PES1: variants seen among roughly 807,000 people sequenced by gnomAD.
PES1 encodes the protein pescadillo ribosomal biogenesis factor 1.
In PES1, 31 loss-of-function variants were observed where a neutral mutation model predicts 77.1. The observed-to-expected ratio is 0.40, with a 90% CI of 0.30 to 0.54. The LOEUF (loss-of-function observed/expected upper bound fraction) is 0.54, where lower values mean the gene tolerates loss of function less well. Among genes scored for constraint, PES1 ranks in the 20% least tolerant of loss-of-function variants. PES1 has a pLI of 0.45. For missense variants in PES1, 658 were observed against 771.7 expected (o/e 0.85, Z 1.75); for synonymous variants, 282 against 303.0 (o/e 0.93, Z 0.72).
upstream of PES1, among the ~76,000 whole-genome samples, chr22:30,596,564 C>T (rs956770373): frequency 1.3e-5 from 2 of 151,560 alleles, no homozygotes; most frequent in African/African-American, 2.4e-5. Context: ...TGGTTCACAG[C>T]CTCCATTAGA....
At position 30,606,753 on chromosome 22, in the gene PES1, G is replaced by A. The variant is rs764616797; in HGVS notation, c.-718+56C>T. ...TCCCCCACCCCCACAATCCCCTCCCGCCACAACTGAGGGAGGCGGTGCTGA... is the reference window on the plus strand; with the variant it reads ...TCCCCCACCCCCACAATCCCCTCCCACCACAACTGAGGGAGGCGGTGCTGA... On this transcript the variant is annotated intron_variant, in intron 1 of 16. Transcript: ENST00000402281. The A allele has an allele frequency of 7.3e-5, 18 of 248,132 alleles. No individual in the cohort carries two copies. In the Admixed American group the frequency reaches 8.7e-4, roughly 12 times the overall value. 15.4% of individuals were successfully genotyped at this position (248,132 alleles called of 1,614,324 possible).
chr22:30,603,434 T>G (rs896561672), intron 2 of PES1, among the ~76,000 whole-genome samples: 6 of 152,150 alleles, frequency 3.9e-5, no homozygotes, highest in Admixed American at 3.9e-4. Context: ...CAGGCTGGAG[T>G]GCAGTGGCAT....
intron 2 of PES1, among the ~76,000 whole-genome samples, chr22:30,588,852 A>C (rs2087133751): frequency 6.6e-6 from 1 of 151,876 alleles, no homozygotes; most frequent in Admixed American, 6.6e-5. Flanking sequence ...GGCAGGGCCC[A>C]CAGGCCACAG....
intron 2 of PES1, among the ~76,000 whole-genome samples, chr22:30,605,122 T>A (rs5753229): frequency 0.028 from 4,212 of 151,572 alleles, 69 homozygotes; most frequent in African/African-American, 0.052. Flanking sequence ...AGCCTCTAGA[T>A]TAGCTGAGAC....
intron 3 of PES1, 46 bp from the exon 4 acceptor site, chr22:30,587,441 C>CTCTTCCA (rs755145080): frequency 7.0e-7 from 1 of 1,424,360 alleles, no homozygotes; most frequent in South Asian, 1.2e-5. Flanking sequence ...CTCAGGTCTC[C>CTCTTCCA]TGGACAACTT....
rs185659178 is a variant in PES1 at position 30,580,726 on chromosome 22, G to A, written c.913-25C>T. 15,832 of 1,611,708 alleles carry A rather than the reference G, an allele frequency of 9.8e-3. 112 individuals are homozygous for A. The highest frequency in any genetic ancestry group is 0.012 in the Non-Finnish European group (14,014 of 1,179,880). On this transcript the variant is annotated intron_variant, in intron 9 of 14. Coordinates refer to ENST00000354694, the MANE Select transcript of PES1 (RefSeq NM_014303.4). ...CCTGTTGAGAAAGGGGCCAGGCCTCGCACCACCAGGGCTGCCCACCCCCAC... is the reference window on the plus strand; with the variant it reads ...CCTGTTGAGAAAGGGGCCAGGCCTCACACCACCAGGGCTGCCCACCCCCAC...
chr22:30,593,260 G>A (rs1408967056), upstream of PES1, among the ~76,000 whole-genome samples: 1 of 152,160 alleles, frequency 6.6e-6, no homozygotes, highest in Non-Finnish European at 1.5e-5. Flanking sequence ...GCTGAGGCAG[G>A]CGGATCACCT....
At chr22:30,592,489 G>C, upstream of PES1, 1 of 828,558 alleles carries the variant, frequency 1.2e-6, no homozygotes, top group Non-Finnish European at 1.5e-6. Flanking sequence ...TGGTGGACTC[G>C]TGGTATATTT....
chr22:30,578,708 C>T, intron 14 of PES1, 129 bp downstream of exon 14: 1 of 1,099,624 alleles, frequency 9.1e-7, no homozygotes. Flanking sequence ...CTGGGCCAGG[C>T]AGGCAACCTC....
intron 2 of PES1, among the ~76,000 whole-genome samples, chr22:30,597,888 T>A (rs1233406159): frequency 7.0e-6 from 1 of 143,128 alleles, no homozygotes; most frequent in Non-Finnish European, 1.5e-5. Flanking sequence ...TTTTGTTTTT[T>A]TTTTTTTTGT....
intron 4 of PES1, chr22:30,585,362 G>A (rs754851926): frequency 2.1e-6 from 1 of 471,310 alleles, no homozygotes; most frequent in Non-Finnish European, 4.4e-6. Context: ...TGGGCACTGT[G>A]TGGCTGCCCT....
intron 2 of PES1, among the ~76,000 whole-genome samples, chr22:30,600,504 G>T (rs529050387): frequency 6.6e-6 from 1 of 151,836 alleles, no homozygotes; most frequent in Non-Finnish European, 1.5e-5. Flanking sequence ...GCAAAAAAGC[G>T]AGGTCCTGTC....
intron 2 of PES1, among the ~76,000 whole-genome samples, chr22:30,597,925 C>G (rs987142106): frequency 7.1e-6 from 1 of 140,376 alleles, no homozygotes; most frequent in African/African-American, 2.8e-5. Context: ...ACTCTGTCGC[C>G]CAGGCTGGAG....
intron 2 of PES1, among the ~76,000 whole-genome samples, chr22:30,604,645 TAAG>T (rs2087409678): frequency 3.3e-5 from 5 of 151,170 alleles, no homozygotes; most frequent in Non-Finnish European, 5.9e-5. Flanking sequence ...AATAAATAAA[TAAG>T]AAAAAATAAG....
intron 13 of PES1, 42 bp downstream of exon 13, chr22:30,579,095 G>A: frequency 1.2e-6 from 2 of 1,605,446 alleles, no homozygotes; most frequent in Non-Finnish European, 1.7e-6. Flanking sequence ...CACCAAGCAG[G>A]GCTGCTTCCC....
In PES1 at chr22:30,576,822, T is replaced by A; in HGVS notation, c.*224A>T. ...GGCTCCTGGGAGCAGAGAATCAGGC[T>A]GGGCACAGAGGCCTCTTCTCTGACC... On this transcript the variant is annotated 3_prime_UTR_variant, in exon 15 of 15. Coordinates refer to ENST00000354694, the MANE Select transcript of PES1 (RefSeq NM_014303.4). 1.7e-6 allele frequency: 1 copy of A among 574,128 alleles called. No homozygotes were observed. Among genetic ancestry groups the A allele is most frequent in the Non-Finnish European group, 3.1e-6 (1 of 321,614 alleles). 35.6% of individuals were successfully genotyped at this position (574,128 alleles called of 1,614,324 possible).
At chr22:30,586,455 C>T (rs2087092018) in intron 4 of PES1, among the ~76,000 whole-genome samples, 1 of 152,208 alleles carries the variant, frequency 6.6e-6, no homozygotes, top group Non-Finnish European at 1.5e-5. Context: ...AGATGACAGA[C>T]ATTTACCAGT....
rs921891990 is a variant in PES1 at position 30,606,807 on chromosome 22, A to G, written c.-718+2T>C. 1.0e-6 allele frequency: 1 copy of G among 992,426 alleles called. No individual in the cohort carries two copies. The highest frequency in any genetic ancestry group is 1.8e-5 in the African/African-American group (1 of 57,102). The allele number at this position is 992,426 out of a possible 1,614,324, so 61.5% of individuals were successfully genotyped here. ...ACAGCTGACTCCAGCAATGCTGCTC[A>G]CGTGACCACTGCAGCTGCAGCTCCC... On this transcript the variant is annotated splice_donor_variant, in intron 1 of 16. Coordinates refer to the PES1 transcript ENST00000402281. LOFTEE classifies it low-confidence loss of function (5UTR_SPLICE).
Position 30,598,885 on chromosome 22 carries a change from ATTTTTTT to A in PES1, c.-660-6494_-660-6488del, listed in dbSNP as rs71200084. On this transcript the variant is annotated intron_variant, in intron 2 of 16. Coordinates refer to the PES1 transcript ENST00000402281. ...TTCAAGTTTATGTGACTTAAGTAAA[ATTTTTTT>A]TTTTTTTTTTTTTTTTTTTTTTGAG... is the stretch of plus-strand genomic sequence containing the variant. Among the ~76,000 whole-genome samples the A allele has an allele frequency of 7.1e-3, 364 of 51,194 alleles. 4 individuals are homozygous for A. The highest frequency in any genetic ancestry group is 0.025 in the African/African-American group (317 of 12,778). 33.6% of individuals were successfully genotyped at this position (51,194 alleles called of 152,430 possible).
Sources: gnomAD v4.1 joint callset for allele counts (sites outside exome capture counted in the v4.1 genomes callset) on GRCh38, gnomAD v4.1.1 for gene constraint, MANE v1.5 for transcripts, NCBI Gene and HGNC (gene_info 2026-07-23, HGNC 2026-07-21) for gene names.